Variants in THSD7B observed in about 807,000 individuals in gnomAD.
THSD7B encodes the protein thrombospondin type 1 domain containing 7B, also known as thrombospondin type-1 domain-containing protein 7B.
In THSD7B, 138 loss-of-function variants were observed where a neutral mutation model predicts 213.6. The ratio of observed to expected loss-of-function variants is 0.65; its 90% CI spans 0.56 to 0.74. The LOEUF (loss-of-function observed/expected upper bound fraction) is 0.74. Ranked by LOEUF, THSD7B falls within the 30% of genes least tolerant of loss-of-function variation. The pLI, the probability that THSD7B is intolerant of heterozygous loss-of-function variation, is 0.00. For synonymous variants in THSD7B, 742 were observed against 687.0 expected (o/e 1.08, Z -1.25); for missense variants, 1,931 against 1,991.5 (o/e 0.97, Z 0.58).
At chr2:136,893,054 C>T (rs1164131358) in intron 2 of THSD7B, among the ~76,000 whole-genome samples, 1 of 152,072 alleles carries the variant, frequency 6.6e-6, no homozygotes, top group Non-Finnish European at 1.5e-5. Flanking sequence ...GAAAATTATA[C>T]CTATGTCATG....
intron 2 of THSD7B, among the ~76,000 whole-genome samples, chr2:136,938,345 T>A (rs1267860414): frequency 6.6e-6 from 1 of 152,162 alleles, no homozygotes; most frequent in African/African-American, 2.4e-5. Flanking sequence ...ACCCAGAGAC[T>A]GAGGAGCTGA....
chr2:137,623,275 A>G lies in THSD7B; in HGVS notation c.3799+2549A>G, dbSNP rs188593828. On this transcript the variant is annotated intron_variant, in intron 20 of 27. Transcript: ENST00000409968. ...CAGAAAAGGCCTTTGACAAAATTCA[A>G]CAGTCCTTCATGCTAAAAACTCTCA... Among the ~76,000 whole-genome samples the G allele has an allele frequency of 3.8e-3, 585 of 152,350 alleles. 1 individual carries two copies. The highest frequency in any genetic ancestry group is 0.013 in the African/African-American group (551 of 41,584).
chr2:137,418,143 G>C (rs575874326), intron 14 of THSD7B, among the ~76,000 whole-genome samples: 1 of 152,248 alleles, frequency 6.6e-6, no homozygotes, highest in South Asian at 2.1e-4. Flanking sequence ...TAATATTGCT[G>C]TGTTAGAGCT....
chr2:137,167,551 C>A (rs527680089), intron 6 of THSD7B, among the ~76,000 whole-genome samples: 1 of 152,200 alleles, frequency 6.6e-6, no homozygotes, highest in Non-Finnish European at 1.5e-5. Context: ...TCTGGATATA[C>A]CCTCCGGAGC....
chr2:137,541,987 C>T (rs1680619271), intron 15 of THSD7B, among the ~76,000 whole-genome samples: 1 of 151,256 alleles, frequency 6.6e-6, no homozygotes, highest in Non-Finnish European at 1.5e-5. Context: ...TAAACATTCA[C>T]ATCACGGGAG....
At chr2:137,193,124 C>A (rs535175826) in intron 7 of THSD7B, among the ~76,000 whole-genome samples, 1 of 152,114 alleles carries the variant, frequency 6.6e-6, no homozygotes, top group Non-Finnish European at 1.5e-5. Flanking sequence ...AATCTCCCAG[C>A]GCTTTCCAGA....
intron 5 of THSD7B, among the ~76,000 whole-genome samples, chr2:137,129,462 C>T (rs1172246245): frequency 6.6e-5 from 10 of 150,854 alleles, no homozygotes; most frequent in Admixed American, 6.6e-4. Flanking sequence ...TTTTTTAAGA[C>T]AGAGTCTCAC....
chr2:136,917,646 C>T (rs1406150970), intron 2 of THSD7B, among the ~76,000 whole-genome samples: 1 of 152,098 alleles, frequency 6.6e-6, no homozygotes, highest in East Asian at 1.9e-4. Context: ...AGTCTGTTCC[C>T]ACAGATGAGG....
intron 3 of THSD7B, among the ~76,000 whole-genome samples, chr2:137,059,623 G>T (rs145513853): frequency 6.6e-6 from 1 of 152,102 alleles, no homozygotes; most frequent in Non-Finnish European, 1.5e-5. Flanking sequence ...TATATAGTTA[G>T]AATTATATAT....
intron 16 of THSD7B, among the ~76,000 whole-genome samples, chr2:137,565,111 C>T (rs1681208133): frequency 6.6e-6 from 1 of 151,850 alleles, no homozygotes; most frequent in Non-Finnish European, 1.5e-5. Context: ...AGGAAAGAGG[C>T]CTCAGGAGAA....
chr2:136,791,331 A>G (rs1205796658), intron 1 of THSD7B, among the ~76,000 whole-genome samples: 1 of 152,030 alleles, frequency 6.6e-6, no homozygotes, highest in Non-Finnish European at 1.5e-5. Flanking sequence ...ATGACATCAA[A>G]AAAACAGGGT....
rs1049039258 is a variant in THSD7B at position 137,001,426 on chromosome 2, G to T, written c.140-54994G>T. Among the ~76,000 whole-genome samples, 21 of 152,202 alleles carry T rather than the reference G, an allele frequency of 1.4e-4. 1 individual carries two copies. The highest frequency in any genetic ancestry group is 8.3e-4 in the South Asian group (4 of 4,828). ...ACCCTGGTTCTTGATGCAAGGAAAG[G>T]TTCAATAAGTGTTAGCTGAGATAAT... On this transcript the variant is annotated intron_variant, in intron 2 of 27. Coordinates refer to ENST00000409968, the MANE Select transcript of THSD7B (RefSeq NM_001316349.2).
chr2:136,884,856 G>T (rs1281017870), intron 2 of THSD7B, among the ~76,000 whole-genome samples: 1 of 151,670 alleles, frequency 6.6e-6, no homozygotes, highest in Non-Finnish European at 1.5e-5. Context: ...GTGGTTTCTA[G>T]TTTTTTTGCT....
chr2:137,016,382 A>C (rs574050565), intron 2 of THSD7B, among the ~76,000 whole-genome samples: 2 of 152,274 alleles, frequency 1.3e-5, no homozygotes, highest in East Asian at 3.9e-4. Flanking sequence ...TATTTTTGAC[A>C]AAGTCGTCTG....
At chr2:137,563,945 T>C (rs1203840836) in intron 16 of THSD7B, among the ~76,000 whole-genome samples, 3 of 152,162 alleles carry the variant, frequency 2.0e-5, no homozygotes, top group Non-Finnish European at 2.9e-5. Flanking sequence ...AGGAAATACA[T>C]GGTCTGAGTT....
intron 3 of THSD7B, among the ~76,000 whole-genome samples, chr2:137,068,713 T>G (rs1003177273): frequency 2.0e-5 from 3 of 152,114 alleles, no homozygotes; most frequent in African/African-American, 7.2e-5. Flanking sequence ...AAGTACAGAT[T>G]CCTTTTACTC....
At chr2:137,162,996 G>T (rs1230018912) in intron 6 of THSD7B, among the ~76,000 whole-genome samples, 3 of 152,016 alleles carry the variant, frequency 2.0e-5, no homozygotes, top group Non-Finnish European at 4.4e-5. Context: ...TCTGTGTTGT[G>T]TTTTTTTGTC....
At chr2:137,215,132 G>A (rs984333828) in intron 7 of THSD7B, among the ~76,000 whole-genome samples, 1 of 152,106 alleles carries the variant, frequency 6.6e-6, no homozygotes, top group Admixed American at 6.6e-5. Context: ...ATTCTAATTA[G>A]CATGAGATGT....
chr2:137,354,326 G>A (rs1359242739), intron 12 of THSD7B, among the ~76,000 whole-genome samples: 2 of 151,882 alleles, frequency 1.3e-5, no homozygotes, highest in Non-Finnish European at 2.9e-5. Context: ...TCTGGCAAAT[G>A]TGTAATGCGC....
Sources: gnomAD v4.1 joint callset for allele counts (sites outside exome capture counted in the v4.1 genomes callset) on GRCh38, gnomAD v4.1.1 for gene constraint, MANE v1.5 for transcripts, NCBI Gene and HGNC (gene_info 2026-07-23, HGNC 2026-07-21) for gene names.